Variants in AUTS2 observed in about 807,000 individuals in gnomAD.
AUTS2 encodes the protein autism susceptibility gene 2 protein.
In AUTS2, 17 loss-of-function variants were observed where a neutral mutation model predicts 112.4. The observed-to-expected ratio is 0.15, with a 90% CI of 0.10 to 0.23. The LOEUF is 0.23. Ranked by LOEUF, AUTS2 falls within the 10% of genes least tolerant of loss-of-function variation. The pLI, the probability that AUTS2 is intolerant of heterozygous loss-of-function variation, is 1.00. For synonymous variants in AUTS2, 751 were observed against 702.7 expected (o/e 1.07, Z -1.09); for missense variants, 1,510 against 1,701.6 (o/e 0.89, Z 1.98).
chr7:70,642,847 C>T (rs143114895), intron 5 of AUTS2, among the ~76,000 whole-genome samples: 73 of 152,326 alleles, frequency 4.8e-4, no homozygotes, highest in African/African-American at 1.7e-3. Flanking sequence ...TGACCCCATT[C>T]ACTTGTCATT....
intron 4 of AUTS2, among the ~76,000 whole-genome samples, chr7:70,169,273 C>G (rs1312927369): frequency 6.6e-6 from 1 of 151,948 alleles, no homozygotes; most frequent in Admixed American, 6.6e-5. Context: ...CGGCATCTCA[C>G]TGTGTCACCC....
chr7:70,450,444 A>G (rs1796484304), intron 5 of AUTS2, among the ~76,000 whole-genome samples: 1 of 152,084 alleles, frequency 6.6e-6, no homozygotes, highest in South Asian at 2.1e-4. Flanking sequence ...ATCACAGGCA[A>G]AGGGGATATC....
chr7:70,208,858 C>T lies in AUTS2; in HGVS notation c.660+74287C>T, dbSNP rs73171713. On this transcript the variant is annotated intron_variant, in intron 4 of 18. Coordinates refer to ENST00000342771, the MANE Select transcript of AUTS2 (RefSeq NM_015570.4). ...TGTGTTCAAGGGACAGGAAAAAGGC[C>T]GGTGTGGCTGGAATTTGGTGTTCAA... Among the ~76,000 whole-genome samples, 563 of 151,762 alleles carry T rather than the reference C, an allele frequency of 3.7e-3. 1 individual carries two copies. Among genetic ancestry groups the T allele is most frequent in the African/African-American group, 5.1e-3 (210 of 41,396 alleles).
In AUTS2 at chr7:70,790,505, A is replaced by G. The variant is rs1212563990; in HGVS notation, c.3289A>G (p.Arg1097Gly). 1 of 1,612,250 alleles carries G rather than the reference A, an allele frequency of 6.2e-7. No homozygotes were observed. The highest frequency in any genetic ancestry group is 2.2e-5 in the East Asian group (1 of 44,798). Residue 1097 changes from arginine (R) to glycine (G), a missense_variant, in exon 19 of 19, where the codon AGG (arginine) becomes GGG (glycine). Coordinates refer to ENST00000342771, the MANE Select transcript of AUTS2 (RefSeq NM_015570.4). The surrounding 1 kb of genome is among the most constrained non-coding windows in gnomAD (Gnocchi z 7.6). Reference protein sequence around the residue: ...RDPLGRDFLLRNDPLHRLSTP... With the variant: ...RDPLGRDFLLGNDPLHRLSTP... ...CCCGCTGGGCAGGGACTTCCTGCTAAGGAACGACCCGCTCCACCGGCTCTC... is the reference window on the plus strand; with the variant it reads ...CCCGCTGGGCAGGGACTTCCTGCTAGGGAACGACCCGCTCCACCGGCTCTC...
chr7:70,259,878 A>G (rs577090608), intron 4 of AUTS2, among the ~76,000 whole-genome samples: 2 of 152,310 alleles, frequency 1.3e-5, no homozygotes, highest in South Asian at 4.1e-4. Context: ...AGTCAGAATA[A>G]ATATATTTTA....
intron 4 of AUTS2, among the ~76,000 whole-genome samples, chr7:70,267,048 C>T (rs1038894077): frequency 1.9e-4 from 29 of 152,210 alleles, no homozygotes; most frequent in Admixed American, 1.7e-3. Context: ...TAAGCCCCTT[C>T]AGTGATATTT....
chr7:70,681,520 TATA>T (rs1408364066), intron 5 of AUTS2, among the ~76,000 whole-genome samples: 5 of 134,756 alleles, frequency 3.7e-5, no homozygotes, highest in East Asian at 6.5e-4. Flanking sequence ...CATATATATA[TATA>T]TATTTTTTTT....
intron 4 of AUTS2, among the ~76,000 whole-genome samples, chr7:70,332,821 G>T (rs1195206946): frequency 6.6e-6 from 1 of 152,114 alleles, no homozygotes; most frequent in African/African-American, 2.4e-5. Flanking sequence ...ACTCAGGATG[G>T]ATTAAAGACT....
intron 1 of AUTS2, among the ~76,000 whole-genome samples, chr7:69,831,639 TA>T (rs1214298944): frequency 6.6e-6 from 1 of 151,696 alleles, no homozygotes; most frequent in African/African-American, 2.4e-5. Flanking sequence ...TTTTTTTTTT[TA>T]ATCATCTGAA....
rs1792231707 is a variant in AUTS2, at chr7:69,599,280, A to C, written c.-374A>C. The C allele has an allele frequency of 1.8e-5, 3 of 167,158 alleles. No homozygotes were observed. Among genetic ancestry groups the C allele is most frequent in the Non-Finnish European group, 2.6e-5 (2 of 78,140 alleles). 10.4% of individuals were successfully genotyped at this position (167,158 alleles called of 1,614,324 possible). ...AGTCTCTTGATCAAAGCATTCCGCT[A>C]TTCTGATTTATTGCTTGCTTGGTGA... On this transcript the variant is annotated 5_prime_UTR_variant, in exon 1 of 19. Coordinates refer to ENST00000342771, the MANE Select transcript of AUTS2 (RefSeq NM_015570.4). The surrounding 1 kb of genome is among the most constrained non-coding windows in gnomAD (Gnocchi z 7.0).
intron 5 of AUTS2, among the ~76,000 whole-genome samples, chr7:70,602,462 G>A (rs1324886794): frequency 6.6e-6 from 1 of 152,142 alleles, no homozygotes; most frequent in African/African-American, 2.4e-5. Flanking sequence ...TCTATAAGTG[G>A]ATCCTCTCCC....
At chr7:70,546,354 G>A (rs1800778050) in intron 5 of AUTS2, among the ~76,000 whole-genome samples, 2 of 152,192 alleles carry the variant, frequency 1.3e-5, no homozygotes, top group South Asian at 4.1e-4. Flanking sequence ...TGAGGCAGGA[G>A]AATCGCTTGA....
At chr7:70,269,702 A>G (rs1328555511) in intron 4 of AUTS2, among the ~76,000 whole-genome samples, 1 of 152,220 alleles carries the variant, frequency 6.6e-6, no homozygotes, top group African/African-American at 2.4e-5. Context: ...AATAAATATC[A>G]GTTGCTAACA....
chr7:69,832,785 A>G (rs191636945), intron 1 of AUTS2, among the ~76,000 whole-genome samples: 73 of 152,264 alleles, frequency 4.8e-4, no homozygotes, highest in Middle Eastern at 6.8e-3. Flanking sequence ...CTACAAGCAT[A>G]CTCTTAGGTT....
intron 5 of AUTS2, among the ~76,000 whole-genome samples, chr7:70,614,882 G>T (rs761268536): frequency 6.6e-6 from 1 of 152,278 alleles, no homozygotes; most frequent in South Asian, 2.1e-4. Flanking sequence ...CCAGAGGCTG[G>T]CCGGCTGCAG....
At chr7:69,949,388 A>G (rs1338611428) in intron 2 of AUTS2, among the ~76,000 whole-genome samples, 1 of 152,136 alleles carries the variant, frequency 6.6e-6, no homozygotes, top group East Asian at 1.9e-4. Context: ...CTCACAATCA[A>G]CCTGTCATGT....
chr7:70,233,668 C>T (rs949010667), intron 4 of AUTS2, among the ~76,000 whole-genome samples: 3 of 152,182 alleles, frequency 2.0e-5, no homozygotes, highest in Non-Finnish European at 4.4e-5. Flanking sequence ...AGTCAAACAG[C>T]GTCTAATTTT....
chr7:69,931,686 T>C (rs756670985), intron 2 of AUTS2, among the ~76,000 whole-genome samples: 30 of 152,298 alleles, frequency 2.0e-4, no homozygotes, highest in Non-Finnish European at 3.8e-4. Flanking sequence ...TTGAAACATT[T>C]GTCACCTTCT....
At chr7:70,693,756 T>C (rs1011863230) in intron 5 of AUTS2, among the ~76,000 whole-genome samples, 1 of 152,228 alleles carries the variant, frequency 6.6e-6, no homozygotes, top group Non-Finnish European at 1.5e-5. Context: ...GCGGGCCTAG[T>C]GGCCTTTCCC....
Sources: gnomAD v4.1 joint callset for allele counts (sites outside exome capture counted in the v4.1 genomes callset) on GRCh38, gnomAD v4.1.1 for gene constraint, Gnocchi (gnomAD v3.1) non-coding constraint, MANE v1.5 for transcripts, NCBI Gene and HGNC (gene_info 2026-07-23, HGNC 2026-07-21) for gene names.